The following WASHC5 variants were observed in gnomAD, a reference collection of about 807,000 sequenced individuals.
WASHC5 encodes the protein WASH complex subunit strumpellin.
WASHC5 carries 101 observed loss-of-function variants against 150.4 expected under a neutral mutation model. That is an observed-to-expected ratio of 0.67 (90% CI 0.57 to 0.79). The LOEUF (loss-of-function observed/expected upper bound fraction) is 0.79. WASHC5 is among the 30% of genes least tolerant of loss of function. The pLI is 0.00. For synonymous variants in WASHC5, 467 were observed against 491.2 expected (o/e 0.95, Z 0.65); for missense variants, 1,195 against 1,396.3 (o/e 0.86, Z 2.30).
At chr8:125,029,620 G>T (rs1164370743) in intron 27 of WASHC5, among the ~76,000 whole-genome samples, 2 of 152,122 alleles carry the variant, frequency 1.3e-5, no homozygotes, top group Non-Finnish European at 2.9e-5. Context: ...TTTCATATGG[G>T]ATTTTACTCA....
intron 4 of WASHC5, 24 bp from the exon 5 acceptor site, chr8:125,081,785 C>G: frequency 7.5e-7 from 1 of 1,328,240 alleles, no homozygotes. Flanking sequence ...AGGACAAAAG[C>G]CAAAATCACT....
intron 21 of WASHC5, 40 bp downstream of exon 21, chr8:125,044,496 C>T: frequency 6.2e-7 from 1 of 1,610,294 alleles, no homozygotes; most frequent in Non-Finnish European, 8.5e-7. Flanking sequence ...GCCTCTCCCC[C>T]AGGGTGGCAG....
chr8:125,029,612 T>C (rs1294084168), intron 27 of WASHC5, among the ~76,000 whole-genome samples: 1 of 152,210 alleles, frequency 6.6e-6, no homozygotes, highest in Non-Finnish European at 1.5e-5. Context: ...TAGCAATTTT[T>C]CATATGGGAT....
rs61418072 is a variant in WASHC5, at chr8:125,050,736, T to C, written c.2098-71A>G. 1.4e-3 allele frequency: 1,706 copies of C among 1,215,504 alleles called. 18 individuals carry two copies. In the African/African-American group the frequency reaches 0.022, roughly 16 times the overall value. The allele number at this position is 1,215,504 out of a possible 1,614,324, so 75.3% of individuals were successfully genotyped here. On this transcript the variant is annotated intron_variant, in intron 17 of 28. Coordinates refer to ENST00000318410, the MANE Select transcript of WASHC5 (RefSeq NM_014846.4). ...GTCCTAACGAAATCCAGAGGAAAGA[T>C]GGCTTTCAGAATCTGCAGTGGGGCA... is the stretch of plus-strand genomic sequence containing the variant.
chr8:125,037,272 G>T lies in WASHC5; in HGVS notation c.3146C>A (p.Ala1049Asp). The change falls in exon 26 of 29, where the codon GCT (alanine) becomes GAT (aspartate). Residue 1049 changes from alanine (A) to aspartate (D), a missense_variant. Around this residue, in one of 3 missense-constraint regions of WASHC5, gnomAD observed 997 missense variants for 1,168.1 expected, o/e 0.85. Coordinates refer to ENST00000318410, the MANE Select transcript of WASHC5 (RefSeq NM_014846.4). ...FPIVNFLFLI[A>D]QLPKLQYNKN... ...GTTGTATTGAAGTTTTGGCAACTGA[G>T]CGATCAAAAATAGAAAGTTTACAAT... The T allele has an allele frequency of 6.2e-7, 1 of 1,612,328 alleles. No individual in the cohort carries two copies. The highest frequency in any genetic ancestry group is 8.5e-7 in the Non-Finnish European group (1 of 1,178,492).
chr8:125,063,413 A>ACACTAAAGAT, intron 11 of WASHC5, 109 bp downstream of exon 11: 2 of 1,189,378 alleles, frequency 1.7e-6, no homozygotes, highest in Non-Finnish European at 2.5e-6. Context: ...GGAATATCAT[A>ACACTAAAGAT]GGATACAATA....
At chr8:125,066,401 A>T (rs1233317723) in intron 10 of WASHC5, among the ~76,000 whole-genome samples, 1 of 152,192 alleles carries the variant, frequency 6.6e-6, no homozygotes, top group Non-Finnish European at 1.5e-5. Flanking sequence ...GAATGGGTAT[A>T]AATGTCTGGG....
At chr8:125,076,312 C>T (rs777212898) in intron 7 of WASHC5, 36 bp downstream of exon 7, 20 of 1,598,892 alleles carry the variant, frequency 1.3e-5, no homozygotes, top group Middle Eastern at 1.7e-4. Flanking sequence ...TTCTCTAACA[C>T]ATTTACTGTA....
At chr8:125,067,864 G>A in intron 9 of WASHC5, 145 bp from the exon 10 acceptor site, 1 of 807,540 alleles carries the variant, frequency 1.2e-6, no homozygotes, top group Non-Finnish European at 2.0e-6. Context: ...GTGAAATATA[G>A]TACATCTATG....
intron 8 of WASHC5, 86 bp from the exon 9 acceptor site, chr8:125,073,410 G>T: frequency 8.9e-7 from 1 of 1,119,352 alleles, no homozygotes; most frequent in Non-Finnish European, 1.3e-6. Context: ...CTGACAAATA[G>T]TAACATTTCT....
Position 125,060,587 on chromosome 8 carries a change from AT to A in WASHC5, c.1521+494del, listed in dbSNP as rs1302682286. Among the ~76,000 whole-genome samples the A allele has an allele frequency of 1.5e-4, 23 of 152,164 alleles. No homozygotes were observed. The East Asian group carries it at 2.7e-3, about 18-fold the overall frequency. On this transcript the variant is annotated intron_variant, in intron 12 of 28. Transcript: ENST00000318410. ...TAAAATTTAAGAGTGGTGAGGTATAATTTTTTTGGTACAATCATTTTTGAGT... is the reference window on the plus strand; with the variant it reads ...TAAAATTTAAGAGTGGTGAGGTATAATTTTTTGGTACAATCATTTTTGAGT...
chr8:125,025,773 G>C (rs896795649), intron 28 of WASHC5, among the ~76,000 whole-genome samples: 1 of 151,488 alleles, frequency 6.6e-6, no homozygotes, highest in Non-Finnish European at 1.5e-5. Flanking sequence ...ATCCCTTAAA[G>C]AAAATAAAAA....
At chr8:125,057,513 A>C (rs778092959) in intron 15 of WASHC5, 43 bp downstream of exon 15, 2 of 1,236,170 alleles carry the variant, frequency 1.6e-6, no homozygotes, top group Non-Finnish European at 1.2e-6. Flanking sequence ...TTAAAACAGC[A>C]GTTATCTGGC....
chr8:125,056,886 G>C (rs1816423577), intron 15 of WASHC5, 69 bp from the exon 16 acceptor site: 1 of 1,585,870 alleles, frequency 6.3e-7, no homozygotes, highest in South Asian at 1.1e-5. Context: ...ACAAATATTA[G>C]GATGCCTAAT....
In WASHC5 at chr8:125,039,861, T is replaced by C. The variant is rs748167994; in HGVS notation, c.2888A>G (p.Asn963Ser). The C allele has an allele frequency of 1.8e-5, 29 of 1,613,838 alleles. No individual in the cohort carries two copies. Among genetic ancestry groups the C allele is most frequent in the Admixed American group, 1.2e-4 (7 of 60,000 alleles). The change falls in exon 24 of 29, where the codon AAT becomes AGT. Residue 963 changes from asparagine (N) to serine (S), a missense_variant. By Grantham distance (46) the Asn-to-Ser change is conservative. Transcript: ENST00000318410. ...AAACCGACAAGAATAATTTAATTCA[T>C]TGGCAATCTGTTGTCTCAGAATCTG... ...QMQILRQQIA[N>S]ELNYSCRFDS... is the part of the protein sequence containing the mutation.
chr8:125,044,670 T>C lies in WASHC5; in HGVS notation c.2533A>G (p.Thr845Ala), dbSNP rs553869211. Residue 845 changes from threonine to alanine, a missense_variant, in exon 21 of 29, where the codon ACT (threonine) becomes GCT (alanine). This residue lies in a region of WASHC5 where 997 missense variants were observed against 1,168.1 expected (regional missense o/e 0.85). Coordinates refer to ENST00000318410, the MANE Select transcript of WASHC5 (RefSeq NM_014846.4). ...TGATGAGTTTTCATATCATACCAAG[T>C]GTTCAGCTGGTCTATGTGACATGTC... ...KMTCHIDQLNTWYDMKTHQEV... is the reference protein window; with the variant it reads ...KMTCHIDQLNAWYDMKTHQEV... 67 of 1,614,060 alleles carry C rather than the reference T, an allele frequency of 4.2e-5. No homozygotes were observed. In the East Asian group the frequency reaches 8.7e-4, roughly 21 times the overall value.
intron 16 of WASHC5, among the ~76,000 whole-genome samples, chr8:125,056,161 TAC>T (rs1816398118): frequency 6.6e-6 from 1 of 152,210 alleles, no homozygotes; most frequent in South Asian, 2.1e-4. Flanking sequence ...ATTGACACTG[TAC>T]ATCATATTTT....
At chr8:125,057,421 G>A in intron 15 of WASHC5, 135 bp downstream of exon 15, 1 of 692,900 alleles carries the variant, frequency 1.4e-6, no homozygotes, top group South Asian at 1.6e-5. Context: ...ATTTTTAGGT[G>A]TTGCAAATTT....
intron 27 of WASHC5, among the ~76,000 whole-genome samples, chr8:125,030,638 A>G (rs990474729): frequency 2.9e-5 from 2 of 68,574 alleles, no homozygotes; most frequent in Admixed American, 1.8e-4. Flanking sequence ...TCTTTCTCAT[A>G]AAAAAAAAAA....
Sources: gnomAD v4.1 joint callset for allele counts (sites outside exome capture counted in the v4.1 genomes callset) on GRCh38, gnomAD v4.1.1 for gene constraint, gnomAD v4.1.1 regional missense constraint, MANE v1.5 for transcripts, NCBI Gene and HGNC (gene_info 2026-07-23, HGNC 2026-07-21) for gene names.